Variants in ANGPT4 observed in about 807,000 individuals in gnomAD.
The protein encoded by ANGPT4 is angiopoietin-4.
Under a neutral mutation model 53.0 loss-of-function variants are expected in ANGPT4, and 50 were observed. The observed-to-expected ratio is 0.94, with a 90% CI of 0.75 to 1.20. The LOEUF is 1.20. Ranked by LOEUF, ANGPT4 falls within the 50% of genes most tolerant of loss-of-function variation. The pLI is 0.00. For missense variants in ANGPT4, 648 were observed against 637.1 expected (o/e 1.02, Z -0.18); for synonymous variants, 251 against 259.7 (o/e 0.97, Z 0.32).
chr20:870,431 G>C lies in ANGPT4; in HGVS notation c.*2529C>G, dbSNP rs1008534986. The C allele has an allele frequency of 2.6e-5, 4 of 152,210 alleles. No homozygotes were observed. Among genetic ancestry groups the C allele is most frequent in the Non-Finnish European group, 4.4e-5 (3 of 68,038 alleles). The allele number at this position is 152,210 out of a possible 1,614,324, so 9.4% of individuals were successfully genotyped here. On this transcript the variant is annotated 3_prime_UTR_variant, in exon 9 of 9. Transcript: ENST00000381922. Reference sequence around the variant, plus strand: ...GTAATCCCATTACTCAGGAGGCTGAGGTAGGAGAATCACTTGAACCAGGAG... The same window carrying C: ...GTAATCCCATTACTCAGGAGGCTGACGTAGGAGAATCACTTGAACCAGGAG...
chr20:906,736 A>G lies in ANGPT4; in HGVS notation c.309+9170T>C, dbSNP rs139831701. On this transcript the variant is annotated intron_variant, in intron 1 of 8. Coordinates refer to ENST00000381922, the MANE Select transcript of ANGPT4 (RefSeq NM_015985.4). ...CACCCTGTGGCTCAATGCAGACTGA[A>G]ATGGTTTGTCTTGTCCTGTCTGAGC... 1.9e-3 allele frequency among the ~76,000 whole-genome samples: 291 copies of G among 152,160 alleles called. 8 individuals carry two copies. The East Asian group carries it at 0.048, about 25-fold the overall frequency.
intron 3 of ANGPT4, among the ~76,000 whole-genome samples, chr20:887,636 CTTTTTTT>C (rs55666688): frequency 7.7e-6 from 1 of 130,506 alleles, no homozygotes; most frequent in Non-Finnish European, 1.7e-5. Context: ...CTCATGACCG[CTTTTTTT>C]TTTTTTTTTT....
chr20:916,306 C>A lies in ANGPT4; in HGVS notation c.-92G>T, dbSNP rs1982945463. 1.4e-5 allele frequency: 19 copies of A among 1,384,116 alleles called. No homozygotes were observed. The highest frequency in any genetic ancestry group is 1.9e-5 in the Non-Finnish European group (19 of 1,012,802). The allele number at this position is 1,384,116 out of a possible 1,614,324, so 85.7% of individuals were successfully genotyped here. A position where few individuals can be genotyped will look rare whatever the true frequency, so the allele number is the denominator to read the frequency against. On this transcript the variant is annotated 5_prime_UTR_variant, in exon 1 of 9. Coordinates refer to ENST00000381922, the MANE Select transcript of ANGPT4 (RefSeq NM_015985.4). Reference sequence around the variant, plus strand: ...CTGCAGCCAACAGTGGCCAGGCTTGCCTGCAGCTGCAGCTACAAACCTCTG... The same window carrying A: ...CTGCAGCCAACAGTGGCCAGGCTTGACTGCAGCTGCAGCTACAAACCTCTG...
At chr20:887,571 T>C (rs1287662948) in intron 3 of ANGPT4, among the ~76,000 whole-genome samples, 2 of 151,834 alleles carry the variant, frequency 1.3e-5, no homozygotes, top group Non-Finnish European at 2.9e-5. Context: ...TTCACTCAGC[T>C]TGAAACTGAG....
chr20:894,742 C>G (rs1568843906), intron 1 of ANGPT4, among the ~76,000 whole-genome samples: 1 of 152,242 alleles, frequency 6.6e-6, no homozygotes, highest in Non-Finnish European at 1.5e-5. Flanking sequence ...CTTCCCCAAG[C>G]TTCTCATTTG....
chr20:887,887 G>GAGGA (rs59115029), intron 3 of ANGPT4, among the ~76,000 whole-genome samples: 19,259 of 150,706 alleles, frequency 0.13, 1,618 homozygotes, highest in African/African-American at 0.23. Flanking sequence ...ATAAAAGAAG[G>GAGGA]AGGAAGGAAG....
intron 1 of ANGPT4, among the ~76,000 whole-genome samples, chr20:909,331 G>C (rs1312566243): frequency 6.6e-6 from 1 of 152,186 alleles, no homozygotes; most frequent in Non-Finnish European, 1.5e-5. Flanking sequence ...TGCTGGAGCA[G>C]TGCCAGGCAC....
chr20:898,627 T>G (rs1982149397), intron 1 of ANGPT4, among the ~76,000 whole-genome samples: 2 of 152,216 alleles, frequency 1.3e-5, no homozygotes, highest in African/African-American at 4.8e-5. Context: ...ACAACAGGAC[T>G]TAATGAACCT....
intron 1 of ANGPT4, among the ~76,000 whole-genome samples, chr20:904,268 A>G (rs1982396717): frequency 6.6e-6 from 1 of 152,212 alleles, no homozygotes; most frequent in Non-Finnish European, 1.5e-5. Flanking sequence ...GCATACTTCT[A>G]CATCTGCAGT....
At chr20:907,306 G>A (rs1568856904) in intron 1 of ANGPT4, among the ~76,000 whole-genome samples, 1 of 152,080 alleles carries the variant, frequency 6.6e-6, no homozygotes, top group Non-Finnish European at 1.5e-5. Context: ...CAGGTGAAAG[G>A]CCACAAGGAG....
chr20:894,957 G>A (rs548853048), intron 1 of ANGPT4, among the ~76,000 whole-genome samples: 184 of 152,264 alleles, frequency 1.2e-3, no homozygotes, highest in Middle Eastern at 6.8e-3. Flanking sequence ...GCAGGGCAAA[G>A]GTTACCCACA....
At chr20:912,825 C>G (rs1333908868) in intron 1 of ANGPT4, among the ~76,000 whole-genome samples, 2 of 151,926 alleles carry the variant, frequency 1.3e-5, no homozygotes, top group African/African-American at 2.4e-5. Context: ...AAGGGAGCAC[C>G]AAGAGCATCC....
At position 911,314 on chromosome 20, in the gene ANGPT4, G is replaced by C. The variant is rs1291746512; in HGVS notation, c.309+4592C>G. Among the ~76,000 whole-genome samples, 1 of 152,212 alleles carries C rather than the reference G, an allele frequency of 6.6e-6. No homozygotes were observed. Among genetic ancestry groups the C allele is most frequent in the Admixed American group, 6.5e-5 (1 of 15,290 alleles). On this transcript the variant is annotated intron_variant, in intron 1 of 8. Coordinates refer to ENST00000381922, the MANE Select transcript of ANGPT4 (RefSeq NM_015985.4). This position sits in a 1 kb window ranked among gnomAD's most constrained non-coding sequence, Gnocchi z 4.9. The stretch of plus-strand genomic sequence containing the variant: ...AGAGGCTGGGGCAGTGCCAGGTTGG[G>C]AGGCCCCTGCCCAGCCCCTGACCCC...
chr20:912,752 G>A (rs1460157757), intron 1 of ANGPT4, among the ~76,000 whole-genome samples: 1 of 152,134 alleles, frequency 6.6e-6, no homozygotes, highest in Admixed American at 6.5e-5. Context: ...ACTGGCAGTA[G>A]GACACAGCAA....
Position 872,754 on chromosome 20 carries a change from G to A in ANGPT4, c.*206C>T. 1 of 608,692 alleles carries A rather than the reference G, an allele frequency of 1.6e-6. No individual in the cohort carries two copies. Among genetic ancestry groups the A allele is most frequent in the Non-Finnish European group, 2.9e-6 (1 of 348,738 alleles). The allele number at this position is 608,692 out of a possible 1,614,324, so 37.7% of individuals were successfully genotyped here. A position where few individuals can be genotyped will look rare whatever the true frequency, so the allele number is the denominator to read the frequency against. On this transcript the variant is annotated 3_prime_UTR_variant, in exon 9 of 9. Transcript: ENST00000381922. The stretch of plus-strand genomic sequence containing the variant: ...GGGCGAGGACTACATCAGAGGGATG[G>A]GCCCCGAACACCCTCCATGTCACAG...
Position 908,850 on chromosome 20 carries a change from A to G in ANGPT4, c.309+7056T>C, listed in dbSNP as rs562808839. On this transcript the variant is annotated intron_variant, in intron 1 of 8. Transcript: ENST00000381922. The surrounding 1 kb of genome is among the most constrained non-coding windows in gnomAD (Gnocchi z 4.9). ...AATTGAAAGGATGCATGATTTTTTCATGACATTTATGGCATGCTATGTATC... is the reference window on the plus strand; with the variant it reads ...AATTGAAAGGATGCATGATTTTTTCGTGACATTTATGGCATGCTATGTATC... Among the ~76,000 whole-genome samples the G allele has an allele frequency of 3.9e-5, 6 of 152,302 alleles. No individual in the cohort carries two copies. The highest frequency in any genetic ancestry group is 3.9e-4 in the Admixed American group (6 of 15,298).
intron 1 of ANGPT4, among the ~76,000 whole-genome samples, chr20:894,716 A>G (rs1193240811): frequency 6.6e-6 from 1 of 152,188 alleles, no homozygotes; most frequent in Non-Finnish European, 1.5e-5. Flanking sequence ...GCCTGAGGTG[A>G]GACTTTCCCA....
chr20:912,154 A>G (rs1568862378), intron 1 of ANGPT4, among the ~76,000 whole-genome samples: 1 of 152,168 alleles, frequency 6.6e-6, no homozygotes, highest in African/African-American at 2.4e-5. Context: ...CTGTGGGGCC[A>G]TGAAGAGAAG....
intron 1 of ANGPT4, among the ~76,000 whole-genome samples, chr20:903,273 C>G (rs1982354508): frequency 1.3e-5 from 2 of 152,164 alleles, no homozygotes; most frequent in South Asian, 4.1e-4. Flanking sequence ...ACTTACCCTT[C>G]TAGTTGTTCA....
Sources: allele counts gnomAD v4.1 joint callset (sites outside exome capture counted in the v4.1 genomes callset), GRCh38; gene constraint gnomAD v4.1.1; non-coding constraint Gnocchi (gnomAD v3.1); transcripts MANE v1.5; gene names NCBI Gene and HGNC (gene_info 2026-07-23, HGNC 2026-07-21).